Variants in ATR observed in about 807,000 individuals in gnomAD.
ATR encodes the protein serine/threonine-protein kinase ATR.
Under a neutral mutation model 305.3 loss-of-function variants are expected in ATR, and 142 were observed. The observed-to-expected ratio is 0.47, with a 90% CI of 0.41 to 0.53. ATR has a LOEUF of 0.53. ATR is among the 20% of genes least tolerant of loss of function. The pLI, the probability that ATR is intolerant of heterozygous loss-of-function variation, is 0.00. For synonymous variants in ATR, 1,050 were observed against 1,068.1 expected (o/e 0.98, Z 0.33); for missense variants, 2,135 against 3,133.1 (o/e 0.68, Z 7.60).
chr3:142,506,187 A>G (rs1347169007), intron 28 of ATR, among the ~76,000 whole-genome samples: 2 of 152,182 alleles, frequency 1.3e-5, no homozygotes, highest in Non-Finnish European at 2.9e-5. Flanking sequence ...TCCTTCAAAA[A>G]CTGGTTGTGA....
chr3:142,495,641 G>T (rs1450171174), intron 34 of ATR, among the ~76,000 whole-genome samples: 2 of 152,112 alleles, frequency 1.3e-5, no homozygotes, highest in African/African-American at 4.8e-5. Context: ...CTACTCAGGA[G>T]GCTGAGGCAG....
intron 36 of ATR, among the ~76,000 whole-genome samples, chr3:142,482,896 T>A (rs2030617509): frequency 6.6e-6 from 1 of 151,822 alleles, no homozygotes; most frequent in Admixed American, 6.6e-5. Flanking sequence ...CCTAATACCA[T>A]TGATGATGAA....
At chr3:142,501,786 C>T (rs148084077) in intron 30 of ATR, among the ~76,000 whole-genome samples, 68 of 152,250 alleles carry the variant, frequency 4.5e-4, no homozygotes, top group Non-Finnish European at 7.6e-4. Flanking sequence ...CCTCTGCTGC[C>T]CAGGCTGGAG....
intron 35 of ATR, among the ~76,000 whole-genome samples, chr3:142,489,909 T>G (rs1350669769): frequency 6.6e-6 from 1 of 152,248 alleles, no homozygotes; most frequent in Admixed American, 6.5e-5. Context: ...TCTTTCAGAC[T>G]TTAGCCATTT....
At chr3:142,465,961 G>A (rs1373295154) in intron 40 of ATR, 7 of 253,560 alleles carry the variant, frequency 2.8e-5, no homozygotes, top group African/African-American at 7.2e-5. Context: ...AGCTGAGATC[G>A]CACCACTGTA....
At chr3:142,458,571 A>AT (rs200779066) in intron 44 of ATR, among the ~76,000 whole-genome samples, 2 of 151,930 alleles carry the variant, frequency 1.3e-5, no homozygotes, top group Non-Finnish European at 1.5e-5. Context: ...GTATCTATAA[A>AT]TTTTTTTTTA....
chr3:142,467,874 C>T (rs1361277856), intron 39 of ATR, 60 bp downstream of exon 39: 3 of 1,580,468 alleles, frequency 1.9e-6, no homozygotes, highest in Non-Finnish European at 2.6e-6. Flanking sequence ...AAAAAATCTG[C>T]TCAAATTATA....
intron 40 of ATR, among the ~76,000 whole-genome samples, 173 bp downstream of exon 40, chr3:142,466,151 C>T (rs1313658564): frequency 6.6e-6 from 1 of 151,966 alleles, no homozygotes; most frequent in Non-Finnish European, 1.5e-5. Context: ...TTTTTAATCA[C>T]TGAATTTTTT....
At chr3:142,563,353 G>T (rs1309831489) in intron 3 of ATR, among the ~76,000 whole-genome samples, 1 of 152,194 alleles carries the variant, frequency 6.6e-6, no homozygotes, top group East Asian at 1.9e-4. Flanking sequence ...AAGTGTATCA[G>T]TGCCATTTTT....
chr3:142,569,158 C>T (rs2035177096), intron 1 of ATR, among the ~76,000 whole-genome samples: 1 of 152,164 alleles, frequency 6.6e-6, no homozygotes, highest in Admixed American at 6.5e-5. Context: ...GCATTCACTT[C>T]CTCCCTTCTG....
intron 34 of ATR, among the ~76,000 whole-genome samples, chr3:142,494,382 A>C (rs909857478): frequency 7.2e-5 from 11 of 152,254 alleles, no homozygotes; most frequent in African/African-American, 2.7e-4. Flanking sequence ...AAAAGTTCAT[A>C]GTCACATGAG....
chr3:142,513,660 A>C, intron 25 of ATR, 22 bp from the exon 26 acceptor site: 1 of 1,610,940 alleles, frequency 6.2e-7, no homozygotes, highest in South Asian at 1.1e-5. Flanking sequence ...AAATGTGTAG[A>C]CAGTAACACA....
Position 142,497,121 on chromosome 3 carries a change from T to C in ATR, c.5630A>G (p.Gln1877Arg). ...AGCTACCCAGTTTAGAGAATCTTCT[T>C]GAGAACTGTCACCTGGAGAATGCTG... is the stretch of plus-strand genomic sequence containing the variant. ...LFQHSPGDSSQEDSLNWVARL... is the reference protein window; with the variant it reads ...LFQHSPGDSSREDSLNWVARL... The change falls in exon 33 of 47, where the codon CAA (glutamine) becomes CGA (arginine). Residue 1877 changes from glutamine (Q) to arginine (R), a missense_variant. This residue lies in a region of ATR where 117 missense variants were observed against 198.3 expected (regional missense o/e 0.59). Coordinates refer to ENST00000350721, the MANE Select transcript of ATR (RefSeq NM_001184.4). 1 of 1,612,352 alleles carries C rather than the reference T, an allele frequency of 6.2e-7. No individual in the cohort carries two copies. Among genetic ancestry groups the C allele is most frequent in the African/African-American group, 1.3e-5 (1 of 75,002 alleles).
At chr3:142,554,676 C>T (rs995979820) in intron 10 of ATR, among the ~76,000 whole-genome samples, 1 of 152,152 alleles carries the variant, frequency 6.6e-6, no homozygotes, top group African/African-American at 2.4e-5. Flanking sequence ...AATCCCAACA[C>T]TCTGGGAGGC....
intron 16 of ATR, among the ~76,000 whole-genome samples, chr3:142,547,337 A>G (rs1211444015): frequency 6.6e-6 from 1 of 152,204 alleles, no homozygotes; most frequent in Non-Finnish European, 1.5e-5. Context: ...GAGAGCTACA[A>G]ACATATTCTA....
chr3:142,477,294 A>T (rs181598934), intron 36 of ATR, among the ~76,000 whole-genome samples: 2 of 152,356 alleles, frequency 1.3e-5, no homozygotes, highest in East Asian at 3.9e-4. Context: ...GAGAGTTTTT[A>T]GCATGAAGGG....
At chr3:142,464,690 G>A (rs1171147519) in intron 41 of ATR, among the ~76,000 whole-genome samples, 1 of 152,166 alleles carries the variant, frequency 6.6e-6, no homozygotes, top group African/African-American at 2.4e-5. Context: ...CAAAGTAAAT[G>A]GTGGCTGCTG....
At chr3:142,459,957 A>G (rs2070988419) in intron 42 of ATR, among the ~76,000 whole-genome samples, 1 of 152,090 alleles carries the variant, frequency 6.6e-6, no homozygotes, top group Admixed American at 6.6e-5. Context: ...ACATATCAAT[A>G]TATATGTATA....
chr3:142,522,646 G>C (rs2108394987), intron 23 of ATR, 82 bp downstream of exon 23: 1 of 1,157,960 alleles, frequency 8.6e-7, no homozygotes, highest in South Asian at 1.3e-5. Flanking sequence ...AAAACAAAAA[G>C]GAGTTTCACA....
Sources: allele counts gnomAD v4.1 joint callset (sites outside exome capture counted in the v4.1 genomes callset), GRCh38; gene constraint gnomAD v4.1.1; regional missense constraint gnomAD v4.1.1; transcripts MANE v1.5; gene names NCBI Gene and HGNC (gene_info 2026-07-23, HGNC 2026-07-21).